DPP10: variants seen among roughly 807,000 people sequenced by gnomAD.
The protein encoded by DPP10 is dipeptidyl peptidase like 10, also known as inactive dipeptidyl peptidase 10.
Under a neutral mutation model 120.9 loss-of-function variants are expected in DPP10, and 33 were observed. The ratio of observed to expected loss-of-function variants is 0.27; its 90% CI spans 0.21 to 0.37. The LOEUF (loss-of-function observed/expected upper bound fraction) is 0.37, where lower values mean the gene tolerates loss of function less well. DPP10 is among the 10% of genes least tolerant of loss of function. DPP10 has a pLI of 1.00. For missense variants in DPP10, 816 were observed against 942.8 expected (o/e 0.87, Z 1.76); for synonymous variants, 337 against 326.1 (o/e 1.03, Z -0.36).
At chr2:114,549,663 C>CAA (rs869226518) in intron 1 of DPP10, among the ~76,000 whole-genome samples, 950 of 76,390 alleles carry the variant, frequency 0.012, 7 homozygotes, top group African/African-American at 0.015. Flanking sequence ...TGTGTGTCAA[C>CAA]AAAAAAAAAA....
intron 4 of DPP10, among the ~76,000 whole-genome samples, chr2:115,503,320 A>G (rs4241134): frequency 0.21 from 32,265 of 152,054 alleles, 3,936 homozygotes; most frequent in East Asian, 0.39. Flanking sequence ...AGTGTTTTTC[A>G]TTTGGTTTCT....
intron 5 of DPP10, among the ~76,000 whole-genome samples, chr2:115,667,306 G>A (rs142336185): frequency 3.9e-5 from 6 of 152,082 alleles, no homozygotes; most frequent in Admixed American, 6.6e-5. Flanking sequence ...TAGGTTGTTT[G>A]TGTGTGAATA....
intron 17 of DPP10, among the ~76,000 whole-genome samples, chr2:115,787,718 C>A (rs1446428355): frequency 6.6e-6 from 1 of 152,046 alleles, no homozygotes; most frequent in Admixed American, 6.6e-5. Flanking sequence ...AAAAAAAGTT[C>A]AACATAACGG....
intron 1 of DPP10, among the ~76,000 whole-genome samples, chr2:114,612,513 T>G (rs1693360951): frequency 6.6e-6 from 1 of 152,222 alleles, no homozygotes. Context: ...TGCTTTCTCC[T>G]TACTATATCT....
intron 1 of DPP10, among the ~76,000 whole-genome samples, chr2:115,148,989 T>C (rs1390298512): frequency 6.6e-6 from 1 of 152,192 alleles, no homozygotes; most frequent in Admixed American, 6.5e-5. Flanking sequence ...ATGTGTCATC[T>C]CCCTTGTTCC....
chr2:115,031,730 C>G (rs1178804471), intron 1 of DPP10, among the ~76,000 whole-genome samples: 1 of 152,032 alleles, frequency 6.6e-6, no homozygotes, highest in African/African-American at 2.4e-5. Context: ...GACGAAGCAG[C>G]TTTTAGTTAT....
intron 5 of DPP10, among the ~76,000 whole-genome samples, chr2:115,586,742 C>A (rs1346492297): frequency 6.6e-6 from 1 of 152,098 alleles, no homozygotes; most frequent in East Asian, 1.9e-4. Flanking sequence ...GCAAAAACTA[C>A]ACAACTTTTT....
At chr2:115,625,613 A>C (rs2085298159) in intron 5 of DPP10, among the ~76,000 whole-genome samples, 1 of 152,144 alleles carries the variant, frequency 6.6e-6, no homozygotes, top group Admixed American at 6.6e-5. Flanking sequence ...ACTACAAAAA[A>C]TTATATCTGG....
At chr2:115,200,699 A>C (rs1035436248) in intron 1 of DPP10, among the ~76,000 whole-genome samples, 4 of 152,112 alleles carry the variant, frequency 2.6e-5, no homozygotes, top group Non-Finnish European at 5.9e-5. Flanking sequence ...ACCTAGGACC[A>C]CTCTGCTGAA....
intron 1 of DPP10, among the ~76,000 whole-genome samples, chr2:114,636,883 G>A (rs1337188079): frequency 6.6e-6 from 1 of 151,844 alleles, no homozygotes; most frequent in Non-Finnish European, 1.5e-5. Flanking sequence ...GGTGGAGGAA[G>A]TGAGGGTGGG....
chr2:114,548,856 G>A (rs1200166395), intron 1 of DPP10, among the ~76,000 whole-genome samples: 1 of 152,058 alleles, frequency 6.6e-6, no homozygotes, highest in African/African-American at 2.4e-5. Context: ...ACACACATAC[G>A]AAAGCTGACT....
At chr2:114,601,095 A>G (rs909000612) in intron 1 of DPP10, among the ~76,000 whole-genome samples, 1 of 151,908 alleles carries the variant, frequency 6.6e-6, no homozygotes, top group African/African-American at 2.4e-5. Context: ...AGACTATTGA[A>G]TCGCCACAAA....
At chr2:115,687,798 A>G (rs1471276368) in intron 5 of DPP10, among the ~76,000 whole-genome samples, 1 of 152,112 alleles carries the variant, frequency 6.6e-6, no homozygotes, top group African/African-American at 2.4e-5. Context: ...CCAAGATTCA[A>G]TAATTATACA....
intron 5 of DPP10, among the ~76,000 whole-genome samples, chr2:115,682,028 C>A (rs757695834): frequency 2.0e-5 from 3 of 151,872 alleles, no homozygotes; most frequent in Non-Finnish European, 4.4e-5. Flanking sequence ...CCTTACAATT[C>A]TAGTTCCAGC....
intron 5 of DPP10, among the ~76,000 whole-genome samples, chr2:115,667,396 G>A (rs936704474): frequency 6.6e-6 from 1 of 151,826 alleles, no homozygotes; most frequent in Non-Finnish European, 1.5e-5. Flanking sequence ...ATTGCTTTTG[G>A]TATTTTCATA....
intron 1 of DPP10, among the ~76,000 whole-genome samples, chr2:114,746,483 A>G (rs1000549494): frequency 6.6e-6 from 1 of 152,230 alleles, no homozygotes; most frequent in African/African-American, 2.4e-5. Flanking sequence ...TCAGTCAAAG[A>G]AATCAGGGAA....
At chr2:114,853,655 G>A (rs1689146954) in intron 1 of DPP10, among the ~76,000 whole-genome samples, 1 of 152,154 alleles carries the variant, frequency 6.6e-6, no homozygotes, top group African/African-American at 2.4e-5. Context: ...AAAAGCTAGT[G>A]AGAAATGATG....
chr2:114,844,564 A>T (rs1470081745), intron 1 of DPP10, among the ~76,000 whole-genome samples: 1 of 152,004 alleles, frequency 6.6e-6, no homozygotes, highest in Non-Finnish European at 1.5e-5. Context: ...ACAAGTTGAA[A>T]TGTAGTAAAG....
intron 5 of DPP10, among the ~76,000 whole-genome samples, chr2:115,576,924 G>A (rs1360003357): frequency 6.6e-6 from 1 of 152,206 alleles, no homozygotes; most frequent in African/African-American, 2.4e-5. Context: ...TTTAGGGAAA[G>A]CATTCACTAT....
Sources: gnomAD v4.1 joint callset for allele counts (sites outside exome capture counted in the v4.1 genomes callset) on GRCh38, gnomAD v4.1.1 for gene constraint, MANE v1.5 for transcripts, NCBI Gene and HGNC (gene_info 2026-07-23, HGNC 2026-07-21) for gene names.